LMNTD1: variants seen among roughly 807,000 people sequenced by gnomAD.
LMNTD1 encodes lamin tail domain-containing protein 1.
LMNTD1 carries 35 observed loss-of-function variants against 50.9 expected under a neutral mutation model. That is an observed-to-expected ratio of 0.69 (90% CI 0.53 to 0.91). LMNTD1 has a LOEUF of 0.91. Ranked by LOEUF, LMNTD1 falls within the 40% of genes least tolerant of loss-of-function variation. The pLI is 0.00. For synonymous variants in LMNTD1, 153 were observed against 161.9 expected, an observed-to-expected ratio of 0.94 and a Z score of 0.42; for missense variants, 470 against 475.5, an observed-to-expected ratio of 0.99 and a Z score of 0.11.
rs1320397759 is a variant in LMNTD1 at position 25,605,114 on chromosome 12, T to C, written c.58+43380A>G. 2.0e-5 allele frequency among the ~76,000 whole-genome samples: 3 copies of C among 152,260 alleles called. No individual in the cohort carries two copies. In the East Asian group the frequency reaches 5.8e-4, roughly 29 times the overall value. ...TGATGGCCAGTGATGATGAGCATTT[T>C]TTCATGTGTTTTTTGGCTGCATAAA... On this transcript the variant is annotated intron_variant, in intron 1 of 7. Coordinates refer to the LMNTD1 transcript ENST00000445693.
intron 1 of LMNTD1, among the ~76,000 whole-genome samples, chr12:25,605,676 A>G (rs370681403): frequency 2.6e-5 from 4 of 151,956 alleles, no homozygotes; most frequent in Non-Finnish European, 5.9e-5. Context: ...TATTTCTGAG[A>G]GCTCTGTTCT....
At chr12:25,565,836 C>T (rs184940937) in intron 1 of LMNTD1, among the ~76,000 whole-genome samples, 110 of 152,186 alleles carry the variant, frequency 7.2e-4, no homozygotes, top group African/African-American at 2.5e-3. Context: ...CCTTCATGTT[C>T]GAAGAATATT....
intron 1 of LMNTD1, among the ~76,000 whole-genome samples, chr12:25,597,195 T>C (rs1055522161): frequency 6.6e-6 from 1 of 152,030 alleles, no homozygotes; most frequent in Non-Finnish European, 1.5e-5. Flanking sequence ...TTCTTAGTTA[T>C]AAATAATAAT....
intron 1 of LMNTD1, among the ~76,000 whole-genome samples, chr12:25,561,406 A>G (rs1238194309): frequency 2.0e-5 from 3 of 152,210 alleles, no homozygotes; most frequent in Non-Finnish European, 4.4e-5. Flanking sequence ...TGTACCCAGT[A>G]GTCATTCAAG....
intron 9 of LMNTD1, among the ~76,000 whole-genome samples, chr12:25,478,160 C>T (rs1290851199): frequency 1.3e-5 from 2 of 152,092 alleles, no homozygotes; most frequent in African/African-American, 4.8e-5. Flanking sequence ...CACAGACATA[C>T]CCAGGATCAA....
chr12:25,623,256 A>G (rs896059245), intron 1 of LMNTD1, among the ~76,000 whole-genome samples: 1 of 152,086 alleles, frequency 6.6e-6, no homozygotes, highest in Admixed American at 6.6e-5. Flanking sequence ...TAAACTGCTT[A>G]AAAATGAGAG....
intron 1 of LMNTD1, among the ~76,000 whole-genome samples, chr12:25,623,137 T>G (rs970877986): frequency 1.6e-4 from 24 of 151,968 alleles, no homozygotes; most frequent in African/African-American, 2.2e-4. Context: ...CTCTATCGTT[T>G]CCTGTAAAGG....
chr12:25,531,946 A>AT (rs139427585), intron 4 of LMNTD1, among the ~76,000 whole-genome samples: 14,971 of 151,998 alleles, frequency 0.098, 903 homozygotes, highest in East Asian at 0.2. Context: ...CCGTTACTGG[A>AT]TTTTTTTTAC....
At chr12:25,618,339 T>G (rs1268747363) in intron 1 of LMNTD1, among the ~76,000 whole-genome samples, 1 of 152,148 alleles carries the variant, frequency 6.6e-6, no homozygotes, top group Non-Finnish European at 1.5e-5. Context: ...TTAGAATCAT[T>G]CGTCAGGTGA....
chr12:25,639,530 A>G (rs1047557989), intron 1 of LMNTD1, among the ~76,000 whole-genome samples: 20 of 152,220 alleles, frequency 1.3e-4, no homozygotes, highest in Admixed American at 1.2e-3. Flanking sequence ...CAAAAAAGAT[A>G]TACGAATAAC....
At chr12:25,536,984 CG>C (rs987843099) in intron 4 of LMNTD1, among the ~76,000 whole-genome samples, 2 of 152,258 alleles carry the variant, frequency 1.3e-5, no homozygotes, top group African/African-American at 4.8e-5. Flanking sequence ...CCTGGAAAAT[CG>C]GGTCACTCCC....
intron 1 of LMNTD1, among the ~76,000 whole-genome samples, chr12:25,603,678 G>A (rs1016847254): frequency 3.3e-5 from 5 of 152,034 alleles, no homozygotes; most frequent in South Asian, 2.1e-4. Context: ...CTGTCCTCAC[G>A]AAGCTGACAT....
intron 1 of LMNTD1, among the ~76,000 whole-genome samples, chr12:25,619,246 C>A (rs890262027): frequency 2.0e-3 from 150 of 76,158 alleles, no homozygotes; most frequent in African/African-American, 6.9e-3. Context: ...CTCTCTCTCT[C>A]TCTCTCTATA....
chr12:25,648,463 G>A (rs1947120165), intron 1 of LMNTD1: 1 of 1,535,914 alleles, frequency 6.5e-7, no homozygotes, highest in Non-Finnish European at 8.8e-7. Context: ...ATTGCCTGAT[G>A]GGGAAAATCC....
In LMNTD1 at chr12:25,549,407, T is replaced by C. The variant is rs1943625661; in HGVS notation, c.229A>G (p.Ser77Gly). 3 of 1,613,120 alleles carry C rather than the reference T, an allele frequency of 1.9e-6. No homozygotes were observed. The highest frequency in any genetic ancestry group is 2.5e-6 in the Non-Finnish European group (3 of 1,179,226). Residue 77 changes from serine to glycine, a missense_variant, in exon 3 of 10, where the codon AGT becomes GGT. Coordinates refer to ENST00000458174, the MANE Select transcript of LMNTD1 (RefSeq NM_001145728.2). The part of the protein sequence containing the change: ...LGYYLSSPQI[S>G]RVTISTTGQL... The stretch of plus-strand genomic sequence containing the variant: ...CCAGTTGTTGATATAGTTACTCTAC[T>C]AATCTGAGGACTAGACAGATAGTAA...
At chr12:25,577,526 T>C (rs59230657) in intron 1 of LMNTD1, among the ~76,000 whole-genome samples, 18,268 of 152,078 alleles carry the variant, frequency 0.12, 1,284 homozygotes, top group East Asian at 0.28. Flanking sequence ...ATTTTGCACA[T>C]TGATTTTGTA....
At chr12:25,535,447 T>C (rs1565985488) in intron 4 of LMNTD1, among the ~76,000 whole-genome samples, 2 of 152,094 alleles carry the variant, frequency 1.3e-5, no homozygotes, top group East Asian at 1.9e-4. Context: ...ATTCAAAATA[T>C]ATAAATATGC....
At chr12:25,545,464 C>T (rs1943376460) in intron 4 of LMNTD1, among the ~76,000 whole-genome samples, 1 of 151,640 alleles carries the variant, frequency 6.6e-6, no homozygotes, top group African/African-American at 2.4e-5. Flanking sequence ...TGAGATACTG[C>T]TGATGATAAT....
chr12:25,632,538 G>A (rs1164367886), intron 1 of LMNTD1, among the ~76,000 whole-genome samples: 4 of 152,194 alleles, frequency 2.6e-5, no homozygotes, highest in Non-Finnish European at 5.9e-5. Flanking sequence ...TTTGTATCCA[G>A]TGAAACTAAG....
Sources: allele counts gnomAD v4.1 joint callset (sites outside exome capture counted in the v4.1 genomes callset), GRCh38; gene constraint gnomAD v4.1.1; transcripts MANE v1.5; gene names NCBI Gene and HGNC (gene_info 2026-07-23, HGNC 2026-07-21).